Variants in DST observed in about 807,000 individuals in gnomAD.
The protein encoded by DST is bullous pemphigoid antigen.
A neutral mutation model predicts 875.2 loss-of-function variants in DST; 253 were observed. The observed-to-expected ratio is 0.29, with a 90% CI of 0.26 to 0.32. The LOEUF (loss-of-function observed/expected upper bound fraction) is 0.32, where lower values mean the gene tolerates loss of function less well. Ranked by LOEUF, DST falls within the 10% of genes least tolerant of loss-of-function variation. The probability of loss-of-function intolerance (pLI) is 1.00; values close to 1 mark genes in which losing one functional copy is unlikely to be tolerated. For missense variants in DST, 8,287 were observed against 9,111.6 expected (o/e 0.91, Z 3.68); for synonymous variants, 3,124 against 3,197.1 (o/e 0.98, Z 0.77).
intron 10 of DST, among the ~76,000 whole-genome samples, chr6:56,663,031 T>G (rs2099053197): frequency 6.6e-6 from 1 of 152,070 alleles, no homozygotes; most frequent in South Asian, 2.1e-4. Flanking sequence ...TACAGAGAAT[T>G]TCTGTAAATT....
chr6:56,750,199 A>G (rs1345043042), intron 4 of DST, among the ~76,000 whole-genome samples: 1 of 152,208 alleles, frequency 6.6e-6, no homozygotes, highest in Non-Finnish European at 1.5e-5. Context: ...TACCCAAAAC[A>G]CAACATGTAA....
intron 2 of DST, among the ~76,000 whole-genome samples, chr6:56,916,778 T>TCACACA (rs70989742): frequency 0.061 from 5,584 of 91,206 alleles, 206 homozygotes; most frequent in Middle Eastern, 0.079. Flanking sequence ...TCTCTCTCTC[T>TCACACA]CACACACACA....
At chr6:56,861,365 G>A (rs1476174334) in intron 3 of DST, among the ~76,000 whole-genome samples, 1 of 152,206 alleles carries the variant, frequency 6.6e-6, no homozygotes, top group Non-Finnish European at 1.5e-5. Flanking sequence ...CCAGGGATCA[G>A]TGCCTGATCC....
At position 56,605,948 on chromosome 6, in the gene DST, T is replaced by A. The variant is rs765328653; in HGVS notation, c.8680A>T (p.Asn2894Tyr). 1 of 1,612,786 alleles carries A rather than the reference T, an allele frequency of 6.2e-7. No homozygotes were observed. The highest frequency in any genetic ancestry group is 2.2e-5 in the East Asian group (1 of 44,850). ...SENNLVTEKSNLPEYTTEIAG... is the reference protein window; with the variant it reads ...SENNLVTEKSYLPEYTTEIAG... The stretch of plus-strand genomic sequence containing the variant: ...ATCTCAGTTGTATATTCTGGAAGGT[T>A]GCTTTTTTCAGTAACTAAGTTATTT... The change falls in exon 40 of 104, where the codon AAC becomes TAC. Residue 2894 changes from asparagine (N) to tyrosine (Y), a missense_variant. Physicochemically the swap from Asn to Tyr is moderately radical, Grantham distance 143. This residue lies in a region of DST where 3,138 missense variants were observed against 3,116.6 expected (regional missense o/e 1.01). Transcript: ENST00000680361.
intron 9 of DST, among the ~76,000 whole-genome samples, chr6:56,691,985 T>C (rs1462093882): frequency 6.6e-6 from 1 of 152,230 alleles, no homozygotes; most frequent in African/African-American, 2.4e-5. Context: ...AGTATCCTAT[T>C]ATTTGTTACA....
intron 4 of DST, among the ~76,000 whole-genome samples, chr6:56,837,693 C>T (rs146818791): frequency 8.9e-4 from 135 of 152,204 alleles, no homozygotes; most frequent in African/African-American, 3.1e-3. Flanking sequence ...CTTCAGCCAA[C>T]GATCAAAATG....
At chr6:56,526,686 C>G (rs193191608) in intron 68 of DST, 119 bp from the exon 69 acceptor site, 239 of 845,420 alleles carry the variant, frequency 2.8e-4, no homozygotes, top group East Asian at 2.7e-3. Context: ...CCACTCCCCC[C>G]CTCCCTTAGT....
At chr6:56,645,289 A>G (rs1041269855) in intron 15 of DST, among the ~76,000 whole-genome samples, 6 of 152,200 alleles carry the variant, frequency 3.9e-5, no homozygotes, top group Non-Finnish European at 7.3e-5. Flanking sequence ...TTTCCTGAAG[A>G]CTAAATGGTA....
At position 56,605,315 on chromosome 6, in the gene DST, G is replaced by GC. The variant is rs1315638042; in HGVS notation, c.9312_9313insG (p.Gln3105AlafsTer6). The GC allele has an allele frequency of 6.2e-7, 1 of 1,611,876 alleles. No homozygotes were observed. The highest frequency in any genetic ancestry group is 2.2e-5 in the East Asian group (1 of 44,816). ...GTTGCTTTTTTAAGGCTTCCTTTCTGATTAAGTTCTTCATTGTTTGTGATT... is the reference window on the plus strand; with the variant it reads ...GTTGCTTTTTTAAGGCTTCCTTTCTGCATTAAGTTCTTCATTGTTTGTGATT... On this transcript the variant is annotated frameshift_variant, in exon 40 of 104. Transcript: ENST00000680361. LOFTEE classifies it high-confidence loss of function.
intron 70 of DST, 76 bp downstream of exon 70, chr6:56,517,425 T>G (rs2096616270): frequency 3.8e-6 from 6 of 1,596,408 alleles, no homozygotes; most frequent in Non-Finnish European, 5.1e-6. Context: ...AAAAAGTAAA[T>G]CATACAAGCA....
chr6:56,642,832 G>T, intron 15 of DST: 1 of 1,611,848 alleles, frequency 6.2e-7, no homozygotes, highest in East Asian at 2.2e-5. Flanking sequence ...TTTCAAAGTA[G>T]ACTAAAAGGT....
intron 15 of DST, chr6:56,642,845 G>A (rs2098919867): frequency 1.2e-6 from 2 of 1,609,600 alleles, no homozygotes; most frequent in South Asian, 1.1e-5. Flanking sequence ...TAAAAGGTAG[G>A]AGGTCTGGAA....
chr6:56,526,434 C>T lies in DST; in HGVS notation c.18056G>A (p.Arg6019His), dbSNP rs745991437. Residue 6019 changes from arginine (R) to histidine (H), a missense_variant, in exon 69 of 104, where the codon CGC becomes CAC. By Grantham distance (29) the Arg-to-His change is conservative. Transcript: ENST00000680361. ...GATGGTGTCGCTCACTAATCGGTAG[C>T]GCTCATTGTCCTCAGCTACCATTTT... is the stretch of plus-strand genomic sequence containing the variant. Reference protein sequence around the residue: ...LEKMVAEDNERYRLVSDTITQ... With the variant: ...LEKMVAEDNEHYRLVSDTITQ... 13 of 1,613,708 alleles carry T rather than the reference C, an allele frequency of 8.1e-6. No individual in the cohort carries two copies. The East Asian group carries it at 1.8e-4, about 22-fold the overall frequency.
chr6:56,877,228 A>G (rs1030633533), intron 3 of DST, among the ~76,000 whole-genome samples: 1 of 152,208 alleles, frequency 6.6e-6, no homozygotes, highest in African/African-American at 2.4e-5. Context: ...ATTTTTCTTC[A>G]TACCATTTAC....
At chr6:56,792,498 A>C (rs13203327) in intron 4 of DST, among the ~76,000 whole-genome samples, 18,601 of 152,008 alleles carry the variant, frequency 0.12, 1,574 homozygotes, top group Non-Finnish European at 0.19. Context: ...ATAGGGTCTC[A>C]CTATGTTGCC....
intron 4 of DST, among the ~76,000 whole-genome samples, chr6:56,756,024 G>A (rs1040633792): frequency 6.6e-6 from 1 of 152,208 alleles, no homozygotes; most frequent in Admixed American, 6.5e-5. Context: ...AGGAGGATAT[G>A]ATATAGTATA....
intron 59 of DST, 68 bp downstream of exon 59, chr6:56,557,251 A>G: frequency 7.1e-7 from 1 of 1,415,178 alleles, no homozygotes; most frequent in Non-Finnish European, 9.8e-7. Flanking sequence ...ATATATTTAT[A>G]ATGAAAACAT....
Position 56,780,080 on chromosome 6 carries a change from A to T in DST, c.626-44791T>A, listed in dbSNP as rs557737255. ...TCATCATTTTTTATGGCTGCATAGT[A>T]TTCCATGGTGCATATGTGCCACATA... On this transcript the variant is annotated intron_variant, in intron 4 of 103. Transcript: ENST00000680361. 2.6e-5 allele frequency among the ~76,000 whole-genome samples: 4 copies of T among 151,918 alleles called. No individual in the cohort carries two copies. The South Asian group carries it at 8.3e-4, about 32-fold the overall frequency.
chr6:56,552,461 T>G lies in DST; in HGVS notation c.16331A>C (p.Lys5444Thr). Residue 5444 changes from lysine (K) to threonine (T), a missense_variant, in exon 61 of 104, where the codon AAA (lysine) becomes ACA (threonine). By Grantham distance (78) the Lys-to-Thr change is moderately conservative (BLOSUM62 -1). Around this residue, in one of 10 missense-constraint regions of DST, gnomAD observed 777 missense variants for 764.8 expected, o/e 1.02. Transcript: ENST00000680361. Reference protein sequence around the residue: ...ALMASNDNANKTCKMMLATEE... With the variant: ...ALMASNDNANTTCKMMLATEE... ...TGTGGCTAACATCATCTTGCAGGTT[T>G]TATTGGCATTGTCATTGCTTGCCAT... The G allele has an allele frequency of 6.2e-7, 1 of 1,614,000 alleles. No individual in the cohort carries two copies. Among genetic ancestry groups the G allele is most frequent in the Admixed American group, 1.7e-5 (1 of 60,026 alleles).
Sources: gnomAD v4.1 joint callset for allele counts (sites outside exome capture counted in the v4.1 genomes callset) on GRCh38, gnomAD v4.1.1 for gene constraint, gnomAD v4.1.1 regional missense constraint, MANE v1.5 for transcripts, NCBI Gene and HGNC (gene_info 2026-07-23, HGNC 2026-07-21) for gene names.